The following RELN variants were observed in gnomAD, a reference collection of about 807,000 sequenced individuals.
The protein encoded by RELN is reelin.
Under a neutral mutation model 427.6 loss-of-function variants are expected in RELN, and 108 were observed. The ratio of observed to expected loss-of-function variants is 0.25; its 90% CI spans 0.22 to 0.30. The LOEUF is 0.30. RELN is among the 10% of genes least tolerant of loss of function. The pLI is 1.00. For missense variants in RELN, 3,715 were observed against 4,302.8 expected (o/e 0.86, Z 3.82); for synonymous variants, 1,524 against 1,513.4 (o/e 1.01, Z -0.16).
intron 51 of RELN, among the ~76,000 whole-genome samples, chr7:103,509,721 A>G (rs536154043): frequency 6.6e-6 from 1 of 152,204 alleles, no homozygotes; most frequent in African/African-American, 2.4e-5. Context: ...AGGCAACAGA[A>G]TGGGAGAAAA....
intron 1 of RELN, among the ~76,000 whole-genome samples, chr7:103,987,321 A>G (rs1296761891): frequency 1.3e-5 from 2 of 152,106 alleles, no homozygotes; most frequent in Non-Finnish European, 2.9e-5. Context: ...TTTCTACTCT[A>G]TGTTATCCAT....
Position 103,620,628 on chromosome 7 carries a change from T to C in RELN, c.2703-8825A>G, listed in dbSNP as rs111656679. Among the ~76,000 whole-genome samples, 6,132 of 151,954 alleles carry C rather than the reference T, an allele frequency of 0.04. 173 individuals are homozygous for C. Among genetic ancestry groups the C allele is most frequent in the East Asian group, 0.15 (748 of 5,148 alleles). On this transcript the variant is annotated intron_variant, in intron 20 of 64. Coordinates refer to ENST00000428762, the MANE Select transcript of RELN (RefSeq NM_005045.4). This position sits in a 1 kb window ranked among gnomAD's most constrained non-coding sequence, Gnocchi z 4.1. ...AGCTGGGATTACAGATGTGCACCAC[T>C]ACACCCAGCTAATTTCTGTATTTTT...
At chr7:103,674,486 A>C (rs1429293697) in intron 11 of RELN, among the ~76,000 whole-genome samples, 5 of 151,816 alleles carry the variant, frequency 3.3e-5, no homozygotes, top group African/African-American at 1.2e-4. Flanking sequence ...ATTCTCTCTT[A>C]GTTTCAGTGG....
rs577408595 is a variant in RELN at position 103,639,595 on chromosome 7, T to G, written c.2069+948A>C. 2.6e-4 allele frequency among the ~76,000 whole-genome samples: 39 copies of G among 152,070 alleles called. 1 individual carries two copies. Among genetic ancestry groups the G allele is most frequent in the African/African-American group, 9.4e-4 (39 of 41,486 alleles). Reference sequence around the variant, plus strand: ...TTGTATTTTTAGTAGAGATCGGGTCTCACCATGTTGGCCAGGCTGGTCTCG... The same window carrying G: ...TTGTATTTTTAGTAGAGATCGGGTCGCACCATGTTGGCCAGGCTGGTCTCG... On this transcript the variant is annotated intron_variant, in intron 17 of 64. Transcript: ENST00000428762.
At chr7:103,843,144 T>C (rs893219995) in intron 2 of RELN, among the ~76,000 whole-genome samples, 5 of 152,034 alleles carry the variant, frequency 3.3e-5, no homozygotes, top group African/African-American at 1.2e-4. Flanking sequence ...CGGCACACAG[T>C]GTTGTACATG....
chr7:103,784,696 GT>G (rs767630396), intron 3 of RELN, among the ~76,000 whole-genome samples: 2 of 152,120 alleles, frequency 1.3e-5, no homozygotes, highest in Non-Finnish European at 2.9e-5. Flanking sequence ...CTGAAGGGGT[GT>G]TAATTATTAG....
chr7:103,553,932 A>G (rs2117160354), intron 38 of RELN, 101 bp from the exon 39 acceptor site: 1 of 981,460 alleles, frequency 1.0e-6, no homozygotes, highest in East Asian at 2.5e-5. Flanking sequence ...ACTCAGTAAC[A>G]ATAGGTTAAA....
Position 103,698,706 on chromosome 7 carries a change from G to T in RELN, c.903-613C>A, listed in dbSNP as rs1416871476. Among the ~76,000 whole-genome samples the T allele has an allele frequency of 2.0e-5, 3 of 152,034 alleles. No individual in the cohort carries two copies. The East Asian group carries it at 5.8e-4, about 29-fold the overall frequency. ...TTTTATTTTTATTTTTGTTGAAATA[G>T]GTCTTGCTATGTTGCCTGGGCTGGT... is the stretch of plus-strand genomic sequence containing the variant. On this transcript the variant is annotated intron_variant, in intron 9 of 64. Coordinates refer to ENST00000428762, the MANE Select transcript of RELN (RefSeq NM_005045.4).
chr7:103,520,134 C>T (rs1829665996), intron 48 of RELN, among the ~76,000 whole-genome samples: 1 of 151,510 alleles, frequency 6.6e-6, no homozygotes, highest in Non-Finnish European at 1.5e-5. Flanking sequence ...GTTGCCTTGG[C>T]TGTTTTTTTT....
At chr7:103,944,980 T>C (rs1240206791) in intron 1 of RELN, among the ~76,000 whole-genome samples, 1 of 152,110 alleles carries the variant, frequency 6.6e-6, no homozygotes, top group Non-Finnish European at 1.5e-5. Flanking sequence ...TCCCCAGGTA[T>C]GTTATTAAAA....
intron 4 of RELN, among the ~76,000 whole-genome samples, chr7:103,755,182 C>T (rs1277832161): frequency 6.6e-6 from 1 of 151,814 alleles, no homozygotes; most frequent in Non-Finnish European, 1.5e-5. Flanking sequence ...GTGGCCGGGC[C>T]CGGTGGCTCA....
At chr7:103,935,577 A>G (rs1355490678) in intron 1 of RELN, among the ~76,000 whole-genome samples, 1 of 152,108 alleles carries the variant, frequency 6.6e-6, no homozygotes, top group Non-Finnish European at 1.5e-5. Context: ...GCAGCATCTT[A>G]CATGCCATCT....
intron 15 of RELN, 26 bp downstream of exon 15, chr7:103,651,635 C>T (rs760050980): frequency 6.2e-7 from 1 of 1,605,280 alleles, no homozygotes; most frequent in South Asian, 1.1e-5. Context: ...TCAAGTATTT[C>T]AATATCTCAG....
chr7:103,566,441 A>G, intron 32 of RELN, 29 bp from the exon 33 acceptor site: 1 of 1,611,064 alleles, frequency 6.2e-7, no homozygotes, highest in Non-Finnish European at 8.5e-7. Flanking sequence ...AGGTGGTTAG[A>G]GAAGTTTTGT....
chr7:103,763,063 A>G (rs1246247220), intron 4 of RELN, among the ~76,000 whole-genome samples: 2 of 152,240 alleles, frequency 1.3e-5, no homozygotes, highest in African/African-American at 4.8e-5. Flanking sequence ...TTGCAGGTAC[A>G]CAGACTGTAT....
At chr7:103,720,669 A>G (rs1790054171) in intron 8 of RELN, among the ~76,000 whole-genome samples, 1 of 152,158 alleles carries the variant, frequency 6.6e-6, no homozygotes, top group South Asian at 2.1e-4. Flanking sequence ...TATAAATAAA[A>G]TGGCTATTAT....
intron 36 of RELN, among the ~76,000 whole-genome samples, chr7:103,560,918 C>A (rs1212832501): frequency 6.6e-6 from 1 of 152,168 alleles, no homozygotes; most frequent in African/African-American, 2.4e-5. Flanking sequence ...TCAAAGATTT[C>A]ATTTGCACAC....
At position 103,702,488 on chromosome 7, in the gene RELN, C is replaced by T. The variant is rs535990768; in HGVS notation, c.806-1482G>A. Reference sequence around the variant, plus strand: ...AATGCAATTTCTTGTGAATTGTTTACAAATTAAGAAGAGAGAAGGAAAGCT... The same window carrying T: ...AATGCAATTTCTTGTGAATTGTTTATAAATTAAGAAGAGAGAAGGAAAGCT... On this transcript the variant is annotated intron_variant, in intron 8 of 64. Coordinates refer to ENST00000428762, the MANE Select transcript of RELN (RefSeq NM_005045.4). Among the ~76,000 whole-genome samples the T allele has an allele frequency of 2.1e-4, 32 of 152,186 alleles. No homozygotes were observed. In the South Asian group the frequency reaches 6.4e-3, roughly 31 times the overall value.
chr7:103,931,594 G>A (rs560492567), intron 1 of RELN, among the ~76,000 whole-genome samples: 96 of 152,328 alleles, frequency 6.3e-4, no homozygotes, highest in Non-Finnish European at 4.7e-4. Flanking sequence ...CCTGCTATTA[G>A]AATATGAATT....
Sources: gnomAD v4.1 joint callset for allele counts (sites outside exome capture counted in the v4.1 genomes callset) on GRCh38, gnomAD v4.1.1 for gene constraint, Gnocchi (gnomAD v3.1) non-coding constraint, MANE v1.5 for transcripts, NCBI Gene and HGNC (gene_info 2026-07-23, HGNC 2026-07-21) for gene names.